STXBP4: variants seen among roughly 807,000 people sequenced by gnomAD.
STXBP4 encodes syntaxin binding protein 4.
STXBP4 carries 55 observed loss-of-function variants against 76.1 expected under a neutral mutation model. That is an observed-to-expected ratio of 0.72 (90% CI 0.58 to 0.91). STXBP4 has a LOEUF of 0.91. STXBP4 is among the 40% of genes least tolerant of loss of function. The pLI, the probability that STXBP4 is intolerant of heterozygous loss-of-function variation, is 0.00. For synonymous variants in STXBP4, 201 were observed against 220.2 expected (o/e 0.91, Z 0.77); for missense variants, 618 against 636.9 (o/e 0.97, Z 0.32).
intron 16 of STXBP4, among the ~76,000 whole-genome samples, chr17:55,117,078 A>G (rs1299941212): frequency 1.3e-5 from 2 of 151,854 alleles, no homozygotes; most frequent in Non-Finnish European, 2.9e-5. Context: ...TTTAAAAATA[A>G]TAATATGCTT....
rs781307107 is a variant in STXBP4 at position 55,078,103 on chromosome 17, G to T, written c.1214G>T (p.Arg405Ile). The change falls in exon 14 of 18, where the codon AGA becomes ATA. Residue 405 changes from arginine (R) to isoleucine (I), a missense_variant. Arg to Ile is a moderately conservative substitution (Grantham distance 97). Transcript: ENST00000376352. ...GAAAGTGTTCAGGATTTAAAAAAGA[G>T]AATCATGGTACTCGACTGCCAATTA... Reference protein sequence around the residue: ...NKESVQDLKKRIMVLDCQLRK... With the variant: ...NKESVQDLKKIIMVLDCQLRK... 6.2e-7 allele frequency: 1 copy of T among 1,610,352 alleles called. No homozygotes were observed. Among genetic ancestry groups the T allele is most frequent in the Admixed American group, 1.7e-5 (1 of 59,470 alleles).
At position 55,072,935 on chromosome 17, in the gene STXBP4, G is replaced by A. The variant is rs114976344; in HGVS notation, c.1047G>A (p.Leu349=). 182 of 1,613,538 alleles carry A rather than the reference G, an allele frequency of 1.1e-4. No individual in the cohort carries two copies. In the East Asian group the frequency reaches 3.9e-3, roughly 35 times the overall value. Reference sequence around the variant, plus strand: ...CTGTAGTTGAAGAAACAAGAGCCCTGCGTAGTCGGATTCATCTTGCTGAAG... The same window carrying A: ...CTGTAGTTGAAGAAACAAGAGCCCTACGTAGTCGGATTCATCTTGCTGAAG... The part of the protein sequence containing the change: ...AKAVVEETRA[L]RSRIHLAEAA... Residue 349 remains leucine (L), a synonymous_variant, in exon 13 of 18, where the codon CTG becomes CTA. Coordinates refer to ENST00000376352, the MANE Select transcript of STXBP4 (RefSeq NM_178509.6).
At chr17:55,005,399 A>C (rs746604492) in intron 7 of STXBP4, among the ~76,000 whole-genome samples, 3 of 152,196 alleles carry the variant, frequency 2.0e-5, no homozygotes, top group Non-Finnish European at 2.9e-5. Context: ...TGGGATGGGA[A>C]TAATAACACC....
chr17:55,008,734 C>G (rs2078052349), intron 8 of STXBP4, among the ~76,000 whole-genome samples: 2 of 152,030 alleles, frequency 1.3e-5, no homozygotes, highest in Non-Finnish European at 2.9e-5. Context: ...GAAGATATTT[C>G]CTTTCCTCTA....
chr17:54,996,750 C>T (rs1397459798), intron 4 of STXBP4, among the ~76,000 whole-genome samples: 2 of 152,104 alleles, frequency 1.3e-5, no homozygotes, highest in African/African-American at 2.4e-5. Flanking sequence ...GGAAAGGAAT[C>T]TTAAGGCTTA....
At chr17:55,001,524 CAAT>C (rs1420061970) in intron 7 of STXBP4, among the ~76,000 whole-genome samples, 2 of 151,820 alleles carry the variant, frequency 1.3e-5, no homozygotes, top group Non-Finnish European at 2.9e-5. Context: ...TTAAACACAA[CAAT>C]GATAAAAAGA....
chr17:55,201,232 G>A, the STXBP4 span, among the ~76,000 whole-genome samples: 1 of 152,164 alleles, frequency 6.6e-6, no homozygotes. Flanking sequence ...AATCGCAAGT[G>A]CAATGTTAAA....
chr17:54,980,035 T>C (rs1056787920), intron 1 of STXBP4, among the ~76,000 whole-genome samples: 1 of 152,232 alleles, frequency 6.6e-6, no homozygotes, highest in African/African-American at 2.4e-5. Context: ...GGTGTCTGTG[T>C]GTGTGTTGTT....
At chr17:55,071,520 C>G (rs2079118751) in intron 12 of STXBP4, among the ~76,000 whole-genome samples, 2 of 152,136 alleles carry the variant, frequency 1.3e-5, no homozygotes, top group South Asian at 4.1e-4. Context: ...TCCTGCAGGT[C>G]TCTGGTCAGT....
At position 55,163,208 on chromosome 17, in the gene STXBP4, G is replaced by C. The variant is rs1298854509; in HGVS notation, c.*3297G>C. ...TTTTTTTAGTCCAAATGTTCCTATA[G>C]ATTTTCTGGGTTTTTTTTTTTTTTT... On this transcript the variant is annotated 3_prime_UTR_variant, in exon 18 of 18. Transcript: ENST00000376352. 1 of 131,290 alleles carries C rather than the reference G, an allele frequency of 7.6e-6. No individual in the cohort carries two copies. Among genetic ancestry groups the C allele is most frequent in the Non-Finnish European group, 1.6e-5 (1 of 63,644 alleles). 8.1% of individuals were successfully genotyped at this position (131,290 alleles called of 1,614,324 possible). A position where few individuals can be genotyped will look rare whatever the true frequency, so the allele number is the denominator to read the frequency against.
At chr17:55,022,701 G>A (rs2078336128) in intron 8 of STXBP4, among the ~76,000 whole-genome samples, 1 of 152,154 alleles carries the variant, frequency 6.6e-6, no homozygotes, top group Non-Finnish European at 1.5e-5. Flanking sequence ...GAATTATGGT[G>A]CTAGGGAAAA....
chr17:55,198,646 G>T, the STXBP4 span, among the ~76,000 whole-genome samples: 194 of 152,146 alleles, frequency 1.3e-3, no homozygotes, highest in African/African-American at 4.2e-3. Context: ...TAAATATAAC[G>T]ACTTTAAATG....
chr17:55,049,148 A>G (rs991516203), intron 12 of STXBP4, among the ~76,000 whole-genome samples: 70 of 152,000 alleles, frequency 4.6e-4, no homozygotes, highest in African/African-American at 1.6e-3. Context: ...AATGTTTTAT[A>G]TAGCCAACCT....
intron 12 of STXBP4, among the ~76,000 whole-genome samples, chr17:55,064,298 A>G (rs1158957745): frequency 6.6e-6 from 1 of 152,042 alleles, no homozygotes; most frequent in Non-Finnish European, 1.5e-5. Flanking sequence ...TGCTAGTGGT[A>G]TTCTGCTACC....
intron 16 of STXBP4, among the ~76,000 whole-genome samples, chr17:55,108,398 C>T (rs1458842997): frequency 6.6e-6 from 1 of 152,150 alleles, no homozygotes; most frequent in Non-Finnish European, 1.5e-5. Context: ...GCTTCAGCTC[C>T]CTTTCCAGGG....
chr17:55,005,805 A>G (rs1567714409), intron 7 of STXBP4, among the ~76,000 whole-genome samples: 1 of 152,150 alleles, frequency 6.6e-6, no homozygotes, highest in Non-Finnish European at 1.5e-5. Context: ...CACATATCCA[A>G]ACCTTAAAGG....
chr17:55,010,651 T>TG (rs1185638837), intron 8 of STXBP4, among the ~76,000 whole-genome samples: 5 of 152,158 alleles, frequency 3.3e-5, no homozygotes, highest in African/African-American at 9.7e-5. Context: ...TTTATACCTA[T>TG]GGAAGATGCT....
chr17:54,991,867 G>T (rs1197688990), intron 4 of STXBP4: 3 of 151,696 alleles, frequency 2.0e-5, no homozygotes, highest in African/African-American at 7.3e-5. Flanking sequence ...TATAGCATGA[G>T]AAAGGATCTT....
At chr17:55,044,171 G>A (rs1172998023) in intron 11 of STXBP4, 2 of 151,904 alleles carry the variant, frequency 1.3e-5, no homozygotes, top group African/African-American at 2.4e-5. Flanking sequence ...TTCTCTTTAT[G>A]TGGTTTCATT....
Sources: gnomAD v4.1 joint callset for allele counts (sites outside exome capture counted in the v4.1 genomes callset) on GRCh38, gnomAD v4.1.1 for gene constraint, MANE v1.5 for transcripts, NCBI Gene and HGNC (gene_info 2026-07-23, HGNC 2026-07-21) for gene names.